USP9X: variants seen among roughly 807,000 people sequenced by gnomAD.
USP9X encodes the protein ubiquitin carboxyl-terminal hydrolase 9X.
A neutral mutation model predicts 190.3 loss-of-function variants in USP9X; 7 were observed. The observed-to-expected ratio is 0.04, with a 90% CI of 0.02 to 0.07. The LOEUF (loss-of-function observed/expected upper bound fraction) is 0.07, where lower values mean the gene tolerates loss of function less well. Among genes scored for constraint, USP9X ranks in the 10% least tolerant of loss-of-function variants. USP9X has a pLI of 1.00. For missense variants in USP9X, 1,010 were observed against 1,916.9 expected, an observed-to-expected ratio of 0.53 and a Z score of 8.83; for synonymous variants, 645 against 659.5, an observed-to-expected ratio of 0.98 and a Z score of 0.34.
At chrX:41,139,189 G>A (rs372432953) in intron 6 of USP9X, among the ~76,000 whole-genome samples, 3 of 112,356 alleles carry the variant, frequency 2.7e-5, no homozygotes, top group East Asian at 5.5e-4. Context: ...TAATGAGCAT[G>A]TACTTTCTTA....
rs1318225526 is a variant in USP9X, at chrX:41,171,065, TG to T, written c.3027+449del. Reference sequence around the variant, plus strand: ...ACTGAATTTTCTGTCCACATTTGATTGGGAAAAAAGTCTGCATGTAAATGGA... The same window carrying T: ...ACTGAATTTTCTGTCCACATTTGATTGGAAAAAAGTCTGCATGTAAATGGA... On this transcript the variant is annotated intron_variant, in intron 20 of 44. Transcript: ENST00000378308. Among the ~76,000 whole-genome samples, 62 of 112,048 alleles carry T rather than the reference TG, an allele frequency of 5.5e-4. 1 individual carries two copies. Among genetic ancestry groups the T allele is most frequent in the Admixed American group, 2.1e-3 (22 of 10,564 alleles).
intron 1 of USP9X, among the ~76,000 whole-genome samples, chrX:41,120,778 G>A (rs769542445): frequency 1.8e-3 from 195 of 109,617 alleles, no homozygotes; most frequent in African/African-American, 6.4e-3. Context: ...GATTACAAGC[G>A]TGAGCTACCG....
intron 26 of USP9X, 151 bp from the exon 27 acceptor site, chrX:41,196,100 G>C (rs1045332175): frequency 1.7e-6 from 1 of 605,852 alleles, no homozygotes; most frequent in South Asian, 2.7e-5. Flanking sequence ...TTGAGTGCTT[G>C]TTGTGTGTAG....
intron 1 of USP9X, among the ~76,000 whole-genome samples, chrX:41,113,750 G>GGATA (rs1041932492): frequency 9.0e-5 from 10 of 110,959 alleles, no homozygotes; most frequent in African/African-American, 3.3e-4. Flanking sequence ...GAAAAAAACA[G>GGATA]GATAAACTGC....
chrX:41,142,257 C>T (rs2062429122), intron 9 of USP9X, among the ~76,000 whole-genome samples: 1 of 111,772 alleles, frequency 8.9e-6, no homozygotes, highest in Non-Finnish European at 1.9e-5. Context: ...GGTGCTGGTT[C>T]TTGAACCAGT....
intron 38 of USP9X, 32 bp downstream of exon 38, chrX:41,219,263 T>C (rs1272564113): frequency 4.3e-6 from 5 of 1,174,137 alleles, no homozygotes; most frequent in Non-Finnish European, 5.7e-6. Context: ...AATTCTGTTT[T>C]GATGTATCAT....
chrX:41,159,101 A>G (rs2062605244), intron 14 of USP9X, among the ~76,000 whole-genome samples: 1 of 111,793 alleles, frequency 8.9e-6, no homozygotes, highest in African/African-American at 3.3e-5. Flanking sequence ...ACTAGGCAAG[A>G]AAAAGAAGTA....
At chrX:41,183,515 C>G (rs1160907982) in intron 21 of USP9X, among the ~76,000 whole-genome samples, 1 of 111,696 alleles carries the variant, frequency 9.0e-6, no homozygotes, top group African/African-American at 3.3e-5. Flanking sequence ...GGTGAATGTA[C>G]ATAGGCACTT....
intron 41 of USP9X, among the ~76,000 whole-genome samples, chrX:41,227,760 G>T (rs943832413): frequency 3.6e-5 from 4 of 110,272 alleles, no homozygotes; most frequent in African/African-American, 1.3e-4. Context: ...GAGTGCAGTG[G>T]CGCGATCTCG....
intron 34 of USP9X, among the ~76,000 whole-genome samples, chrX:41,215,080 G>T (rs956505396): frequency 1.8e-5 from 2 of 111,726 alleles, no homozygotes; most frequent in Non-Finnish European, 3.8e-5. Context: ...CTCCTGTCAT[G>T]TCCAGGATTA....
intron 25 of USP9X, among the ~76,000 whole-genome samples, chrX:41,188,565 C>T (rs1216317079): frequency 8.9e-6 from 1 of 112,081 alleles, no homozygotes; most frequent in Non-Finnish European, 1.9e-5. Context: ...AAATTATCTA[C>T]AGAAGAGAAG....
chrX:41,205,085 A>G (rs2063078744), intron 31 of USP9X: 1 of 324,263 alleles, frequency 3.1e-6, no homozygotes. Context: ...ACACTATATT[A>G]TCTATCTTTC....
intron 12 of USP9X, among the ~76,000 whole-genome samples, chrX:41,149,720 T>C (rs1051517642): frequency 1.8e-5 from 2 of 109,999 alleles, no homozygotes; most frequent in Non-Finnish European, 3.8e-5. Flanking sequence ...CTTTTTTTTT[T>C]TGAGACGGAG....
chrX:41,213,170 TC>T (rs1342304281), intron 33 of USP9X, among the ~76,000 whole-genome samples: 1 of 111,431 alleles, frequency 9.0e-6, no homozygotes, highest in African/African-American at 3.3e-5. Context: ...GGGGGTGGAC[TC>T]CTGTAGTCCC....
At chrX:41,219,741 A>C (rs1168426438) in intron 38 of USP9X, among the ~76,000 whole-genome samples, 1 of 112,470 alleles carries the variant, frequency 8.9e-6, no homozygotes, top group Non-Finnish European at 1.9e-5. Flanking sequence ...TACTCCCAGC[A>C]CTTTGGGAGG....
intron 31 of USP9X, among the ~76,000 whole-genome samples, chrX:41,201,578 C>T (rs1323046465): frequency 9.0e-6 from 1 of 111,661 alleles, no homozygotes; most frequent in Non-Finnish European, 1.9e-5. Context: ...ATGGACTTCT[C>T]CCAGCCAGCA....
In USP9X at chrX:41,223,360, C is replaced by T. The variant is rs2063281985; in HGVS notation, c.6709C>T (p.Arg2237Cys). ...KLYSVVSQLI[R>C]CCNVSSRMQS... ...ATACTCAGTAGTGTCACAGCTGATC[C>T]GCTGTTGCAATGTCTCTTCAAGAAT... The change falls in exon 39 of 45, where the codon CGC (arginine) becomes TGC (cysteine). Residue 2237 changes from arginine (R) to cysteine (C), a missense_variant. Physicochemically the swap from Arg to Cys is radical, Grantham distance 180 (BLOSUM62 -3). This residue lies in a region of USP9X where 121 missense variants were observed against 281.2 expected (regional missense o/e 0.43). Coordinates refer to ENST00000378308, the MANE Select transcript of USP9X (RefSeq NM_001039591.3). 6 of 1,211,281 alleles carry T rather than the reference C, an allele frequency of 5.0e-6. No individual in the cohort carries two copies. Among genetic ancestry groups the T allele is most frequent in the African/African-American group, 1.7e-5 (1 of 57,792 alleles).
At position 41,124,027 on chromosome X, in the gene USP9X, A is replaced by G. The variant is rs765261262; in HGVS notation, c.96+303A>G. Among the ~76,000 whole-genome samples, 49 of 111,081 alleles carry G rather than the reference A, an allele frequency of 4.4e-4. 1 individual carries two copies. Among genetic ancestry groups the G allele is most frequent in the Admixed American group, 4.0e-3 (42 of 10,464 alleles). On this transcript the variant is annotated intron_variant, in intron 2 of 44. Transcript: ENST00000378308. ...CACCGTACTCCAGCCTGGGTGACAGAGCGAGTCTCTGTCTCAAAAACAAAA... is the reference window on the plus strand; with the variant it reads ...CACCGTACTCCAGCCTGGGTGACAGGGCGAGTCTCTGTCTCAAAAACAAAA...
At position 41,168,227 on chromosome X, in the gene USP9X, A is replaced by G; in HGVS notation, c.2636+9A>G. The G allele has an allele frequency of 1.7e-6, 2 of 1,162,828 alleles. No individual in the cohort carries two copies. The highest frequency in any genetic ancestry group is 2.3e-6 in the Non-Finnish European group (2 of 860,794). On this transcript the variant is annotated intron_variant, in intron 18 of 44. Transcript: ENST00000378308. ...ATTCTCCCTATGTCGAGGTTTGTGA[A>G]TAACTAATCTATTGGTGCTAATTCT...
Sources: gnomAD v4.1 joint callset for allele counts (sites outside exome capture counted in the v4.1 genomes callset) on GRCh38, gnomAD v4.1.1 for gene constraint, gnomAD v4.1.1 regional missense constraint, MANE v1.5 for transcripts, NCBI Gene and HGNC (gene_info 2026-07-23, HGNC 2026-07-21) for gene names.